Variants in SLC6A3 observed in about 807,000 individuals in gnomAD.
SLC6A3 encodes the protein solute carrier family 6 member 3.
A neutral mutation model predicts 70.4 loss-of-function variants in SLC6A3; 19 were observed. The observed-to-expected ratio is 0.27, with a 90% confidence interval of 0.19 to 0.40. SLC6A3 has a LOEUF of 0.40. SLC6A3 is among the 10% of genes least tolerant of loss of function. The pLI is 1.00. For missense variants in SLC6A3, 613 were observed against 838.5 expected (o/e 0.73, Z 3.32); for synonymous variants, 368 against 356.6 (o/e 1.03, Z -0.36).
intron 8 of SLC6A3, among the ~76,000 whole-genome samples, chr5:1,412,446 G>A (rs1756151890): frequency 6.6e-6 from 1 of 152,220 alleles, no homozygotes; most frequent in Non-Finnish European, 1.5e-5. Flanking sequence ...CCAGGCTGAG[G>A]GCGGCATGGC....
chr5:1,426,576 T>C (rs1031770502), intron 4 of SLC6A3, among the ~76,000 whole-genome samples: 3 of 152,018 alleles, frequency 2.0e-5, no homozygotes, highest in African/African-American at 7.3e-5. Flanking sequence ...AAACAAAACA[T>C]GATATATCCA....
chr5:1,423,021 G>C (rs11741877), intron 4 of SLC6A3, among the ~76,000 whole-genome samples: 22,968 of 44,688 alleles, frequency 0.51, 9,488 homozygotes, highest in Non-Finnish European at 0.67. Flanking sequence ...GCTGCCCAAG[G>C]TGCTGGGTAC....
At chr5:1,422,739 G>A (rs1334270944) in intron 4 of SLC6A3, among the ~76,000 whole-genome samples, 4 of 56,860 alleles carry the variant, frequency 7.0e-5, no homozygotes, top group Admixed American at 2.1e-4. Flanking sequence ...GGTGCCCACC[G>A]CTGCCCAGTG....
intron 11 of SLC6A3, 25 bp downstream of exon 11, chr5:1,409,001 C>T (rs1319880729): frequency 2.6e-6 from 4 of 1,541,284 alleles, no homozygotes; most frequent in East Asian, 2.2e-5. Context: ...AGGGTGCCGG[C>T]TTGGCTGCCT....
Position 1,401,353 on chromosome 5 carries a change from C to A in SLC6A3, c.1768-367G>T. 1 of 490,800 alleles carries A rather than the reference C, an allele frequency of 2.0e-6. No homozygotes were observed. Among genetic ancestry groups the A allele is most frequent in the Non-Finnish European group, 4.0e-6 (1 of 252,250 alleles). The allele number at this position is 490,800 out of a possible 1,614,324, so 30.4% of individuals were successfully genotyped here. A position where few individuals can be genotyped will look rare whatever the true frequency, so the allele number is the denominator to read the frequency against. On this transcript the variant is annotated intron_variant, in intron 13 of 14. Coordinates refer to ENST00000270349, the MANE Select transcript of SLC6A3 (RefSeq NM_001044.5). The surrounding 1 kb of genome is among the most constrained non-coding windows in gnomAD (Gnocchi z 6.1). Reference sequence around the variant, plus strand: ...CTCTGAGTAAGAAAGTGCCCACACCCAGGTGGGCTGCCTCGGGGCCACCTG... The same window carrying A: ...CTCTGAGTAAGAAAGTGCCCACACCAAGGTGGGCTGCCTCGGGGCCACCTG...
chr5:1,426,036 T>C (rs250683), intron 4 of SLC6A3, among the ~76,000 whole-genome samples: 47,926 of 152,028 alleles, frequency 0.32, 8,571 homozygotes, highest in East Asian at 0.52. Flanking sequence ...GTCAAGGATG[T>C]GGGGAAATCA....
rs996824038 is a variant in SLC6A3 at position 1,422,347 on chromosome 5, A to G, written c.654-333T>C. On this transcript the variant is annotated intron_variant, in intron 4 of 14. Transcript: ENST00000270349. Reference sequence around the variant, plus strand: ...CACAGAAACCAAAAGGAAGTTGCTGAGCAATGCTGGGTGCCCACCACTGCC... The same window carrying G: ...CACAGAAACCAAAAGGAAGTTGCTGGGCAATGCTGGGTGCCCACCACTGCC... Among the ~76,000 whole-genome samples the G allele has an allele frequency of 4.1e-5, 6 of 146,030 alleles. 1 individual carries two copies. The highest frequency in any genetic ancestry group is 6.0e-5 in the Non-Finnish European group (4 of 66,508).
At position 1,420,601 on chromosome 5, in the gene SLC6A3, T is replaced by C. The variant is rs571552841; in HGVS notation, c.895A>G (p.Ser299Gly). The C allele has an allele frequency of 8.1e-6, 13 of 1,613,530 alleles. No homozygotes were observed. In the African/African-American group the frequency reaches 1.7e-4, roughly 22 times the overall value. The change falls in exon 6 of 15, where the codon AGC becomes GGC. Residue 299 changes from serine (S) to glycine (G), a missense_variant. Ser to Gly is a moderately conservative substitution (Grantham distance 56). Coordinates refer to ENST00000270349, the MANE Select transcript of SLC6A3 (RefSeq NM_001044.5). ...TCGCAGAGCCGGTAGAAGTCAACGC[T>C]CAGGTATGCTCTGATGCCGTCTATG... ...GAIDGIRAYL[S>G]VDFYRLCEAS...
chr5:1,427,896 C>T (rs250681), intron 4 of SLC6A3, among the ~76,000 whole-genome samples: 80,256 of 151,996 alleles, frequency 0.53, 21,903 homozygotes, highest in South Asian at 0.65. Context: ...TCTACAGTTA[C>T]AGTTGAGATT....
chr5:1,402,897 G>T lies in SLC6A3; in HGVS notation c.1767+25C>A, dbSNP rs1755883232. ...CTTTCTGGTGGCCTCACACTCGGGT[G>T]AAGGCGCCCCGTCCAAATACCCACC... On this transcript the variant is annotated intron_variant, in intron 13 of 14. Transcript: ENST00000270349. The surrounding 1 kb of genome is among the most constrained non-coding windows in gnomAD (Gnocchi z 8.5). 5 of 1,611,160 alleles carry T rather than the reference G, an allele frequency of 3.1e-6. No individual in the cohort carries two copies. The highest frequency in any genetic ancestry group is 4.2e-6 in the Non-Finnish European group (5 of 1,179,320).
At position 1,415,142 on chromosome 5, in the gene SLC6A3, G is replaced by A. The variant is rs28382258; in HGVS notation, c.1032-327C>T. ...GAAGCTCTAGGAGCACACACCTCCC[G>A]GGGACCTCGCTAAGATGCAGATCCT... On this transcript the variant is annotated intron_variant, in intron 7 of 14. Transcript: ENST00000270349. 3.8e-3 allele frequency among the ~76,000 whole-genome samples: 582 copies of A among 152,130 alleles called. 22 individuals carry two copies. The highest frequency in any genetic ancestry group is 3.2e-3 in the Admixed American group (49 of 15,288).
rs28363119 is a variant in SLC6A3, at chr5:1,405,579, T to C, written c.1599+609A>G. ...TTGTGAGCCTCCAGGCCTCTGTGGT[T>C]CAGTGGGGGAAGCACTGCAGGCAAT... On this transcript the variant is annotated intron_variant, in intron 12 of 14. Coordinates refer to ENST00000270349, the MANE Select transcript of SLC6A3 (RefSeq NM_001044.5). This position sits in a 1 kb window ranked among gnomAD's most constrained non-coding sequence, Gnocchi z 5.3. 0.11 allele frequency among the ~76,000 whole-genome samples: 16,986 copies of C among 152,244 alleles called. 1,528 individuals carry two copies. The highest frequency in any genetic ancestry group is 0.25 in the African/African-American group (10,338 of 41,518).
chr5:1,407,087 C>A (rs141550354), intron 11 of SLC6A3, among the ~76,000 whole-genome samples: 55 of 152,364 alleles, frequency 3.6e-4, no homozygotes, highest in Non-Finnish European at 6.5e-4. Flanking sequence ...CAAGTACCAG[C>A]AGTCCACTTT....
At chr5:1,417,464 C>T (rs1489497734) in intron 6 of SLC6A3, among the ~76,000 whole-genome samples, 2 of 152,220 alleles carry the variant, frequency 1.3e-5, no homozygotes, top group African/African-American at 4.8e-5. Context: ...ATGAGCAGTA[C>T]AGGTGCACAG....
Position 1,442,388 on chromosome 5 carries a change from A to C in SLC6A3, c.286+524T>G, listed in dbSNP as rs1176946149. The stretch of plus-strand genomic sequence containing the variant: ...GGGAGGCCCAAAGAGGCTCCTGGGA[A>C]GGGATCACCAATGTTCTTGGACGTC... On this transcript the variant is annotated intron_variant, in intron 2 of 14. Coordinates refer to ENST00000270349, the MANE Select transcript of SLC6A3 (RefSeq NM_001044.5). This position sits in a 1 kb window ranked among gnomAD's most constrained non-coding sequence, Gnocchi z 5.0. Among the ~76,000 whole-genome samples the C allele has an allele frequency of 6.6e-6, 1 of 152,062 alleles. No individual in the cohort carries two copies. The highest frequency in any genetic ancestry group is 1.9e-4 in the East Asian group (1 of 5,164).
intron 4 of SLC6A3, among the ~76,000 whole-genome samples, chr5:1,430,364 C>A (rs1438396274): frequency 1.1e-4 from 17 of 152,228 alleles, no homozygotes; most frequent in African/African-American, 4.1e-4. Context: ...CCGGGTGGCC[C>A]CCCAAAACCT....
rs1040860021 is a variant in SLC6A3 at position 1,393,170 on chromosome 5, C to T, written c.*1565G>A. The T allele has an allele frequency of 1.3e-5, 2 of 152,242 alleles. No individual in the cohort carries two copies. Among genetic ancestry groups the T allele is most frequent in the Admixed American group, 6.5e-5 (1 of 15,290 alleles). The allele number at this position is 152,242 out of a possible 1,614,324, so 9.4% of individuals were successfully genotyped here. ...ATTACACTCCAGTCCCTGGAGCCCACGTCCACTTGCAGGGGACAGCCATGA... is the reference window on the plus strand; with the variant it reads ...ATTACACTCCAGTCCCTGGAGCCCATGTCCACTTGCAGGGGACAGCCATGA... On this transcript the variant is annotated 3_prime_UTR_variant, in exon 15 of 15. Transcript: ENST00000270349.
intron 4 of SLC6A3, among the ~76,000 whole-genome samples, chr5:1,425,082 T>C (rs1352877644): frequency 2.6e-5 from 4 of 152,220 alleles, no homozygotes; most frequent in Non-Finnish European, 4.4e-5. Flanking sequence ...ACCAGAAAAG[T>C]GTTGGCCCAG....
intron 1 of SLC6A3, among the ~76,000 whole-genome samples, chr5:1,444,376 A>G (rs916099816): frequency 1.3e-5 from 2 of 152,010 alleles, no homozygotes; most frequent in East Asian, 1.9e-4. Context: ...ACAGACACAC[A>G]CAGACTCACA....
Sources: allele counts gnomAD v4.1 joint callset (sites outside exome capture counted in the v4.1 genomes callset), GRCh38; gene constraint gnomAD v4.1.1; non-coding constraint Gnocchi (gnomAD v3.1); transcripts MANE v1.5; gene names NCBI Gene and HGNC (gene_info 2026-07-23, HGNC 2026-07-21).